TBPL1: variants seen among roughly 807,000 people sequenced by gnomAD.
TBPL1 encodes the protein TATA-box binding protein like 1, also known as TATA box-binding protein-like 1.
Under a neutral mutation model 22.1 loss-of-function variants are expected in TBPL1, and 4 were observed. That is an observed-to-expected ratio of 0.18 (90% CI 0.09 to 0.41). TBPL1 has a LOEUF of 0.41. TBPL1 is among the 10% of genes least tolerant of loss of function. The pLI, the probability that TBPL1 is intolerant of heterozygous loss-of-function variation, is 1.00. For synonymous variants in TBPL1, 64 were observed against 71.0 expected, an observed-to-expected ratio of 0.90 and a Z score of 0.50; for missense variants, 115 against 222.3, an observed-to-expected ratio of 0.52 and a Z score of 3.07.
intron 4 of TBPL1, among the ~76,000 whole-genome samples, chr6:133,984,051 T>G (rs1294681114): frequency 6.6e-6 from 1 of 152,186 alleles, no homozygotes; most frequent in African/African-American, 2.4e-5. Flanking sequence ...ACTTAAATTT[T>G]TTTTCCCTCA....
Position 133,989,232 on chromosome 6 carries a change from TGTAA to T in TBPL1, c.*2196_*2199del, listed in dbSNP as rs1413024939. Reference sequence around the variant, plus strand: ...AAACTGTGAATATATATGTACAAGTTGTAAGTATTTCCCCCTTTTTATTTTTGAA... The same window carrying T: ...AAACTGTGAATATATATGTACAAGTTGTATTTCCCCCTTTTTATTTTTGAA... On this transcript the variant is annotated 3_prime_UTR_variant, in exon 7 of 7. Transcript: ENST00000237264. The T allele has an allele frequency of 6.6e-6, 1 of 152,154 alleles. No homozygotes were observed. The highest frequency in any genetic ancestry group is 1.5e-5 in the Non-Finnish European group (1 of 68,038). 9.4% of individuals were successfully genotyped at this position (152,154 alleles called of 1,614,324 possible).
chr6:133,968,399 G>A (rs560122308), intron 1 of TBPL1, among the ~76,000 whole-genome samples: 35 of 152,130 alleles, frequency 2.3e-4, no homozygotes, highest in African/African-American at 7.5e-4. Flanking sequence ...TCATCTTTGC[G>A]TTTGAATTTC....
rs1347038602 is a variant in TBPL1, at chr6:133,987,280, G to A, written c.*240G>A. ...AAAGGACATTCTATTTATTTTCGCA[G>A]TAATTCTCATGTCCCCATAAGCAGA... On this transcript the variant is annotated 3_prime_UTR_variant, in exon 7 of 7. Transcript: ENST00000237264. 3.3e-6 allele frequency: 1 copy of A among 301,412 alleles called. No homozygotes were observed. The highest frequency in any genetic ancestry group is 6.1e-6 in the Non-Finnish European group (1 of 162,684). The allele number at this position is 301,412 out of a possible 1,614,324, so 18.7% of individuals were successfully genotyped here.
Position 133,961,144 on chromosome 6 carries a change from G to A in TBPL1, c.-45+7719G>A, listed in dbSNP as rs147907270. Reference sequence around the variant, plus strand: ...GGCTACTCAGATTCTTATTGCTATCGTGAAAGATATCTACTGTTTACACTT... The same window carrying A: ...GGCTACTCAGATTCTTATTGCTATCATGAAAGATATCTACTGTTTACACTT... On this transcript the variant is annotated intron_variant, in intron 1 of 6. Coordinates refer to ENST00000237264, the MANE Select transcript of TBPL1 (RefSeq NM_004865.4). Among the ~76,000 whole-genome samples, 32 of 152,216 alleles carry A rather than the reference G, an allele frequency of 2.1e-4. No individual in the cohort carries two copies. The East Asian group carries it at 6.0e-3, about 29-fold the overall frequency.
intron 1 of TBPL1, chr6:133,968,861 G>A (rs1252027492): frequency 3.9e-5 from 6 of 152,142 alleles, no homozygotes; most frequent in Non-Finnish European, 7.3e-5. Context: ...GTAGGAGCGA[G>A]GTTTCACCAG....
chr6:133,972,603 A>G (rs767901647), intron 1 of TBPL1, among the ~76,000 whole-genome samples: 1 of 152,186 alleles, frequency 6.6e-6, no homozygotes, highest in African/African-American at 2.4e-5. Flanking sequence ...CTGTGTTCCA[A>G]TAAAACTTTT....
chr6:133,969,307 G>T (rs1583817116), intron 1 of TBPL1, among the ~76,000 whole-genome samples: 2 of 122,654 alleles, frequency 1.6e-5, no homozygotes, highest in African/African-American at 6.2e-5. Context: ...CAGAGTTGTT[G>T]ACTAATTTCC....
In TBPL1 at chr6:133,990,219, G is replaced by A. The variant is rs1187641842; in HGVS notation, c.*3179G>A. 1 of 152,600 alleles carries A rather than the reference G, an allele frequency of 6.6e-6. No homozygotes were observed. The highest frequency in any genetic ancestry group is 1.5e-5 in the Non-Finnish European group (1 of 68,040). The allele number at this position is 152,600 out of a possible 1,614,324, so 9.5% of individuals were successfully genotyped here. ...TATAGCCTGTGTACCGTAACCTGAG[G>A]TAGTGATATTCCTGAGGAGTGTGAA... is the stretch of plus-strand genomic sequence containing the variant. On this transcript the variant is annotated 3_prime_UTR_variant, in exon 7 of 7. Transcript: ENST00000237264.
chr6:133,965,622 T>A (rs1197530502), intron 1 of TBPL1, among the ~76,000 whole-genome samples: 7 of 151,784 alleles, frequency 4.6e-5, no homozygotes, highest in African/African-American at 7.3e-5. Context: ...TTTTTTTTTT[T>A]AATTCACTGT....
intron 1 of TBPL1, among the ~76,000 whole-genome samples, chr6:133,960,307 G>C (rs72982264): frequency 0.026 from 4,016 of 152,230 alleles, 69 homozygotes; most frequent in Middle Eastern, 0.054. Flanking sequence ...TTGTACTGAG[G>C]GGGGAGGCCC....
chr6:133,984,125 A>G (rs1776465650), intron 4 of TBPL1, among the ~76,000 whole-genome samples: 1 of 152,164 alleles, frequency 6.6e-6, no homozygotes, highest in Admixed American at 6.5e-5. Context: ...AATTAAACAT[A>G]TGATTAGAAA....
At chr6:133,960,192 G>A (rs1775996794) in intron 1 of TBPL1, among the ~76,000 whole-genome samples, 1 of 152,104 alleles carries the variant, frequency 6.6e-6, no homozygotes, top group South Asian at 2.1e-4. Flanking sequence ...GTGGTTGCAG[G>A]GATCACAGAC....
chr6:133,980,074 T>C lies in TBPL1; in HGVS notation c.-44-8T>C. Reference sequence around the variant, plus strand: ...AGTTTAATGACTTTATTTTGTTTTATTTCTCAGGATGTGATCTTCGTGGTG... The same window carrying C: ...AGTTTAATGACTTTATTTTGTTTTACTTCTCAGGATGTGATCTTCGTGGTG... On this transcript the variant is annotated splice_polypyrimidine_tract_variant and splice_region_variant and intron_variant, in intron 1 of 6. Transcript: ENST00000237264. 2 of 1,402,462 alleles carry C rather than the reference T, an allele frequency of 1.4e-6. No individual in the cohort carries two copies. The highest frequency in any genetic ancestry group is 1.9e-5 in the South Asian group (1 of 52,144). 86.9% of individuals were successfully genotyped at this position (1,402,462 alleles called of 1,614,324 possible).
chr6:133,969,403 TAC>T (rs1776179983), intron 1 of TBPL1, among the ~76,000 whole-genome samples: 1 of 152,186 alleles, frequency 6.6e-6, no homozygotes, highest in Non-Finnish European at 1.5e-5. Flanking sequence ...ACATGAATGC[TAC>T]CTGCTTAACA....
intron 1 of TBPL1, among the ~76,000 whole-genome samples, chr6:133,955,767 T>G (rs1476393500): frequency 6.6e-6 from 1 of 152,230 alleles, no homozygotes; most frequent in Non-Finnish European, 1.5e-5. Context: ...AAATTGAACC[T>G]TAGATTTTCA....
chr6:133,968,800 G>C (rs1776167875), intron 1 of TBPL1: 1 of 152,254 alleles, frequency 6.6e-6, no homozygotes, highest in Non-Finnish European at 1.5e-5. Context: ...CTCCGCAGTA[G>C]CTGGGACTAC....
intron 6 of TBPL1, among the ~76,000 whole-genome samples, chr6:133,985,298 ATATATATAT>A (rs1290181616): frequency 0.041 from 1,280 of 30,934 alleles, 138 homozygotes; most frequent in Non-Finnish European, 0.044. Context: ...AAAAAAAAAA[ATATATATAT>A]ATATATATAT....
intron 2 of TBPL1, among the ~76,000 whole-genome samples, chr6:133,981,366 C>A (rs1256706661): frequency 1.3e-5 from 2 of 152,144 alleles, no homozygotes; most frequent in South Asian, 2.1e-4. Flanking sequence ...TGTCAGCAAT[C>A]CCATCCTTCC....
chr6:133,984,794 A>G, intron 6 of TBPL1, 123 bp downstream of exon 6: 2 of 787,946 alleles, frequency 2.5e-6, no homozygotes, highest in Non-Finnish European at 4.1e-6. Flanking sequence ...TAGAGGAACC[A>G]GTCTCCTGAC....
Sources: gnomAD v4.1 joint callset for allele counts (sites outside exome capture counted in the v4.1 genomes callset) on GRCh38, gnomAD v4.1.1 for gene constraint, MANE v1.5 for transcripts, NCBI Gene and HGNC (gene_info 2026-07-23, HGNC 2026-07-21) for gene names.